The following GMDS variants were observed in gnomAD, a reference collection of about 807,000 sequenced individuals.
The protein encoded by GMDS is GDP-mannose 4,6 dehydratase.
Under a neutral mutation model 49.9 loss-of-function variants are expected in GMDS, and 20 were observed. That is an observed-to-expected ratio of 0.40 (90% CI 0.28 to 0.58). The LOEUF is 0.58. Among genes scored for constraint, GMDS ranks in the 20% least tolerant of loss-of-function variants. GMDS has a pLI of 0.42. For missense variants in GMDS, 362 were observed against 481.4 expected (o/e 0.75, Z 2.32); for synonymous variants, 177 against 178.6 (o/e 0.99, Z 0.07).
chr6:1,985,924 A>G lies in GMDS; in HGVS notation c.346-24958T>C, dbSNP rs138600328. On this transcript the variant is annotated intron_variant, in intron 4 of 10. Coordinates refer to ENST00000380815, the MANE Select transcript of GMDS (RefSeq NM_001500.4). ...CAAGTCAGAATTTGCCCCTGGCACT[A>G]GTGGTATTTGGGAAATGGTTCATTT... Among the ~76,000 whole-genome samples, 383 of 152,340 alleles carry G rather than the reference A, an allele frequency of 2.5e-3. 2 individuals carry two copies. Among genetic ancestry groups the G allele is most frequent in the African/African-American group, 8.7e-3 (363 of 41,582 alleles).
chr6:1,946,145 CA>C (rs1165512195), intron 6 of GMDS, among the ~76,000 whole-genome samples: 8 of 151,966 alleles, frequency 5.3e-5, no homozygotes, highest in Non-Finnish European at 8.8e-5. Flanking sequence ...AGGAAAGAAG[CA>C]ACAAAAAGTC....
intron 7 of GMDS, among the ~76,000 whole-genome samples, chr6:1,752,074 CA>C (rs1365680679): frequency 1.3e-5 from 2 of 151,982 alleles, no homozygotes; most frequent in Non-Finnish European, 2.9e-5. Flanking sequence ...AGGTGGGTAA[CA>C]ACAAACTCTT....
chr6:2,057,463 A>C (rs895557318), intron 4 of GMDS, among the ~76,000 whole-genome samples: 1 of 152,196 alleles, frequency 6.6e-6, no homozygotes. Flanking sequence ...TTCCAAGTAC[A>C]TCTCTAGGTG....
At chr6:1,738,093 A>T (rs918144132) in intron 8 of GMDS, among the ~76,000 whole-genome samples, 3 of 149,562 alleles carry the variant, frequency 2.0e-5, no homozygotes, top group African/African-American at 5.0e-5. Flanking sequence ...CCACACACAT[A>T]CACACCACAC....
chr6:1,820,463 G>T (rs1770844678), intron 7 of GMDS, among the ~76,000 whole-genome samples: 1 of 152,112 alleles, frequency 6.6e-6, no homozygotes, highest in African/African-American at 2.4e-5. Context: ...CTGGGTATCT[G>T]ACTAATGGTT....
intron 1 of GMDS, among the ~76,000 whole-genome samples, chr6:2,230,180 T>C (rs1302318222): frequency 2.6e-5 from 4 of 152,212 alleles, no homozygotes; most frequent in South Asian, 2.1e-4. Flanking sequence ...ATCCAAACGT[T>C]AAGCATTATC....
At chr6:1,802,070 AT>A (rs1769972821) in intron 7 of GMDS, among the ~76,000 whole-genome samples, 1 of 152,238 alleles carries the variant, frequency 6.6e-6, no homozygotes, top group Non-Finnish European at 1.5e-5. Flanking sequence ...TAAAGGCCAT[AT>A]TTGCCTAAAT....
chr6:1,872,505 T>C (rs915419265), intron 7 of GMDS, among the ~76,000 whole-genome samples: 1 of 152,228 alleles, frequency 6.6e-6, no homozygotes, highest in Non-Finnish European at 1.5e-5. Context: ...TGCAGGGATA[T>C]GATAGTCCTA....
At chr6:1,690,363 T>G (rs1420183676) in intron 9 of GMDS, among the ~76,000 whole-genome samples, 2 of 152,232 alleles carry the variant, frequency 1.3e-5, no homozygotes, top group East Asian at 3.8e-4. Flanking sequence ...ATTTTACATT[T>G]AAGTCTTTAA....
chr6:2,058,410 C>G (rs977596503), intron 4 of GMDS, among the ~76,000 whole-genome samples: 1 of 149,736 alleles, frequency 6.7e-6, no homozygotes, highest in Non-Finnish European at 1.5e-5. Flanking sequence ...AAAAAAGATA[C>G]TGGTGCCAAG....
chr6:1,966,080 G>C (rs1405701124), intron 4 of GMDS, among the ~76,000 whole-genome samples: 1 of 152,090 alleles, frequency 6.6e-6, no homozygotes, highest in African/African-American at 2.4e-5. Flanking sequence ...TTGAATAGCT[G>C]CAACAGAGTT....
chr6:1,840,830 C>T (rs988742685), intron 7 of GMDS, among the ~76,000 whole-genome samples: 4 of 152,188 alleles, frequency 2.6e-5, no homozygotes, highest in African/African-American at 9.6e-5. Context: ...TGAGGGTAAT[C>T]TCAACAAACA....
intron 7 of GMDS, among the ~76,000 whole-genome samples, chr6:1,883,393 AAAAAT>A (rs1355778727): frequency 6.6e-6 from 1 of 152,192 alleles, no homozygotes. Context: ...CCATCTCAAA[AAAAAT>A]AAAATAAAAT....
chr6:2,080,881 G>A (rs1772651960), intron 4 of GMDS, among the ~76,000 whole-genome samples: 4 of 152,124 alleles, frequency 2.6e-5, no homozygotes, highest in Admixed American at 1.3e-4. Context: ...TCTCAGGTAA[G>A]TTATTAGGTT....
intron 7 of GMDS, among the ~76,000 whole-genome samples, chr6:1,820,626 T>C (rs1020177839): frequency 2.0e-5 from 3 of 152,232 alleles, no homozygotes; most frequent in African/African-American, 7.2e-5. Flanking sequence ...TACGTTTTAA[T>C]GTAAACACTT....
chr6:1,893,199 T>C lies in GMDS; in HGVS notation c.771+36904A>G, dbSNP rs577267240. Among the ~76,000 whole-genome samples, 4 of 148,536 alleles carry C rather than the reference T, an allele frequency of 2.7e-5. No homozygotes were observed. In the East Asian group the frequency reaches 7.8e-4, roughly 29 times the overall value. On this transcript the variant is annotated intron_variant, in intron 7 of 10. Coordinates refer to ENST00000380815, the MANE Select transcript of GMDS (RefSeq NM_001500.4). ...ATCTCTGGTTTTTTGTTTTCTTTTT[T>C]TTTTTTTTTTTTGAGACGGAGTCTG...
chr6:2,158,083 C>T (rs1777198151), intron 1 of GMDS, among the ~76,000 whole-genome samples: 1 of 152,220 alleles, frequency 6.6e-6, no homozygotes, highest in South Asian at 2.1e-4. Flanking sequence ...AAGCACCATT[C>T]TTTCATGTTC....
At chr6:1,646,062 T>TC (rs916656989) in intron 9 of GMDS, among the ~76,000 whole-genome samples, 3 of 152,166 alleles carry the variant, frequency 2.0e-5, no homozygotes, top group African/African-American at 4.8e-5. Flanking sequence ...TCAATGTATC[T>TC]CCCCCCAACT....
chr6:1,813,488 CTTTT>C (rs1182777914), intron 7 of GMDS, among the ~76,000 whole-genome samples: 4 of 152,076 alleles, frequency 2.6e-5, no homozygotes, highest in Non-Finnish European at 5.9e-5. Context: ...TTTGAGGCTT[CTTTT>C]ATCATTTGAA....
Sources: allele counts gnomAD v4.1 joint callset (sites outside exome capture counted in the v4.1 genomes callset), GRCh38; gene constraint gnomAD v4.1.1; transcripts MANE v1.5; gene names NCBI Gene and HGNC (gene_info 2026-07-23, HGNC 2026-07-21).